RBM47: variants seen among roughly 807,000 people sequenced by gnomAD.
RBM47 encodes RNA-binding protein 47.
A neutral mutation model predicts 47.1 loss-of-function variants in RBM47; 21 were observed. That is an observed-to-expected ratio of 0.45 (90% confidence interval 0.32 to 0.64). The LOEUF (loss-of-function observed/expected upper bound fraction) is 0.64. Ranked by LOEUF, RBM47 falls within the 30% of genes least tolerant of loss-of-function variation. The probability of loss-of-function intolerance (pLI) is 0.05; values close to 1 mark genes in which losing one functional copy is unlikely to be tolerated. For missense variants in RBM47, 708 were observed against 870.9 expected, an observed-to-expected ratio of 0.81 and a Z score of 2.35; for synonymous variants, 375 against 361.7, an observed-to-expected ratio of 1.04 and a Z score of -0.42.
At chr4:40,496,244 A>G (rs867702795) in intron 2 of RBM47, among the ~76,000 whole-genome samples, 1 of 152,204 alleles carries the variant, frequency 6.6e-6, no homozygotes, top group African/African-American at 2.4e-5. Context: ...CTCACTCACA[A>G]ATCAAGGCAA....
chr4:40,502,338 C>T (rs1469401754), intron 2 of RBM47, among the ~76,000 whole-genome samples: 1 of 152,082 alleles, frequency 6.6e-6, no homozygotes, highest in East Asian at 1.9e-4. Context: ...GAGTCCAGAA[C>T]GTCATTTGAT....
At chr4:40,434,345 A>G (rs963025320) in intron 5 of RBM47, among the ~76,000 whole-genome samples, 3 of 152,112 alleles carry the variant, frequency 2.0e-5, no homozygotes, top group African/African-American at 7.2e-5. Context: ...ATAGACGCCA[A>G]TCGATGGGGC....
chr4:40,584,827 TG>T (rs1168351370), intron 1 of RBM47, among the ~76,000 whole-genome samples: 2 of 152,172 alleles, frequency 1.3e-5, no homozygotes, highest in Non-Finnish European at 2.9e-5. Flanking sequence ...CACAGGTGAC[TG>T]GTGGCTCTTA....
intron 5 of RBM47, among the ~76,000 whole-genome samples, chr4:40,436,000 T>G (rs961633694): frequency 5.0e-5 from 1 of 19,834 alleles, no homozygotes; most frequent in Admixed American, 6.0e-4. Context: ...CTACTAAAAA[T>G]ACAAAAAAAA....
At chr4:40,605,070 G>A (rs1192392119) in intron 1 of RBM47, among the ~76,000 whole-genome samples, 1 of 150,904 alleles carries the variant, frequency 6.6e-6, no homozygotes, top group South Asian at 2.1e-4. Flanking sequence ...TTGCCCCGAC[G>A]GGAGTGCAAT....
Position 40,508,184 on chromosome 4 carries a change from C to T in RBM47, c.-155+36238G>A, listed in dbSNP as rs111509526. ...AGGACGGGACTGCCCTCTGGTGTAA[C>T]TAACAATTTTCACGTTTTGTTCAGC... On this transcript the variant is annotated intron_variant, in intron 2 of 6. Transcript: ENST00000295971. Among the ~76,000 whole-genome samples, 257 of 152,330 alleles carry T rather than the reference C, an allele frequency of 1.7e-3. 7 individuals carry two copies. The highest frequency in any genetic ancestry group is 5.7e-3 in the African/African-American group (238 of 41,562).
At chr4:40,476,318 G>A (rs1015129133) in intron 2 of RBM47, among the ~76,000 whole-genome samples, 1 of 151,974 alleles carries the variant, frequency 6.6e-6, no homozygotes, top group African/African-American at 2.4e-5. Context: ...CATTATATCT[G>A]GGGTAGGTAA....
intron 2 of RBM47, among the ~76,000 whole-genome samples, chr4:40,505,302 G>A (rs1300408990): frequency 6.6e-6 from 1 of 151,702 alleles, no homozygotes; most frequent in African/African-American, 2.4e-5. Context: ...GACCAGCCTG[G>A]CCAACATGGT....
At chr4:40,619,213 G>C (rs1737032049) in intron 1 of RBM47, among the ~76,000 whole-genome samples, 1 of 152,144 alleles carries the variant, frequency 6.6e-6, no homozygotes, top group African/African-American at 2.4e-5. Context: ...TGGATTATTT[G>C]AGCCCAGAAA....
intron 2 of RBM47, among the ~76,000 whole-genome samples, chr4:40,526,982 G>A (rs1427188839): frequency 1.3e-5 from 2 of 152,022 alleles, no homozygotes; most frequent in African/African-American, 4.8e-5. Context: ...AACCTCACCA[G>A]GTTTGACGAA....
intron 1 of RBM47, among the ~76,000 whole-genome samples, chr4:40,624,452 A>G (rs1737546328): frequency 6.6e-6 from 1 of 152,166 alleles, no homozygotes; most frequent in African/African-American, 2.4e-5. Flanking sequence ...CACAGTGCTG[A>G]GCTCTCCTCC....
intron 2 of RBM47, among the ~76,000 whole-genome samples, chr4:40,509,769 C>T (rs1282958674): frequency 1.3e-5 from 2 of 152,096 alleles, no homozygotes; most frequent in African/African-American, 4.8e-5. Flanking sequence ...GCCTGTAGTC[C>T]TAGCTACTGC....
intron 6 of RBM47, among the ~76,000 whole-genome samples, chr4:40,429,186 A>C (rs1196214847): frequency 6.6e-6 from 1 of 152,102 alleles, no homozygotes; most frequent in Non-Finnish European, 1.5e-5. Flanking sequence ...AGGAACCCTT[A>C]TTTTACTTAA....
rs539411968 is a variant in RBM47 at position 40,528,363 on chromosome 4, C to T, written c.-155+16059G>A. Among the ~76,000 whole-genome samples the T allele has an allele frequency of 2.5e-4, 38 of 151,684 alleles. 1 individual carries two copies. The South Asian group carries it at 7.3e-3, about 29-fold the overall frequency. ...GGCCGAGGTTGCAGTGAGCTGAGAT[C>T]GTGCCACTGTACTGCAGCCTGGCGA... On this transcript the variant is annotated intron_variant, in intron 2 of 6. Coordinates refer to ENST00000295971, the MANE Select transcript of RBM47 (RefSeq NM_001098634.2).
intron 1 of RBM47, among the ~76,000 whole-genome samples, chr4:40,615,275 C>T (rs1736619289): frequency 6.6e-6 from 1 of 151,818 alleles, no homozygotes; most frequent in South Asian, 2.1e-4. Flanking sequence ...CCTGTCTCTA[C>T]AAAATATACA....
intron 2 of RBM47, among the ~76,000 whole-genome samples, chr4:40,518,733 G>C (rs1443924646): frequency 6.6e-6 from 1 of 151,810 alleles, no homozygotes; most frequent in Non-Finnish European, 1.5e-5. Context: ...GGCTTCCCTG[G>C]GTCACACTGG....
chr4:40,530,012 T>C (rs1727232964), intron 2 of RBM47, among the ~76,000 whole-genome samples: 1 of 129,262 alleles, frequency 7.7e-6, no homozygotes, highest in Admixed American at 8.1e-5. Flanking sequence ...CTCGGCTCAC[T>C]GCAACCTCCG....
At chr4:40,600,667 A>G (rs1249430249) in intron 1 of RBM47, among the ~76,000 whole-genome samples, 3 of 147,574 alleles carry the variant, frequency 2.0e-5, no homozygotes, top group Non-Finnish European at 4.5e-5. Flanking sequence ...AGTAGGCTTT[A>G]TAGATGAAAG....
rs1714866342 is a variant in RBM47, at chr4:40,425,248, C to A, written c.*656G>T. On this transcript the variant is annotated 3_prime_UTR_variant, in exon 7 of 7. Transcript: ENST00000295971. ...GTTTGGACTCAGAAGTGCGGCAAGTCTTTTCAATGTTGGCTTAAGGAGAGA... is the reference window on the plus strand; with the variant it reads ...GTTTGGACTCAGAAGTGCGGCAAGTATTTTCAATGTTGGCTTAAGGAGAGA... The A allele has an allele frequency of 6.6e-6, 1 of 152,618 alleles. No homozygotes were observed. Among genetic ancestry groups the A allele is most frequent in the Non-Finnish European group, 1.5e-5 (1 of 68,060 alleles). 9.5% of individuals were successfully genotyped at this position (152,618 alleles called of 1,614,324 possible).
Sources: allele counts gnomAD v4.1 joint callset (sites outside exome capture counted in the v4.1 genomes callset), GRCh38; gene constraint gnomAD v4.1.1; transcripts MANE v1.5; gene names NCBI Gene and HGNC (gene_info 2026-07-23, HGNC 2026-07-21).